CELF4: variants seen among roughly 807,000 people sequenced by gnomAD.
The protein encoded by CELF4 is CUGBP Elav-like family member 4.
Under a neutral mutation model 59.9 loss-of-function variants are expected in CELF4, and 18 were observed. The observed-to-expected ratio is 0.30, with a 90% confidence interval of 0.21 to 0.45. The LOEUF (loss-of-function observed/expected upper bound fraction) is 0.45, where lower values mean the gene tolerates loss of function less well. Ranked by LOEUF, CELF4 falls within the 20% of genes least tolerant of loss-of-function variation. CELF4 has a pLI of 1.00. For synonymous variants in CELF4, 261 were observed against 267.1 expected, an observed-to-expected ratio of 0.98 and a Z score of 0.22; for missense variants, 456 against 689.0, an observed-to-expected ratio of 0.66 and a Z score of 3.79.
chr18:37,344,072 G>A (rs943638995), intron 2 of CELF4, among the ~76,000 whole-genome samples: 3 of 152,148 alleles, frequency 2.0e-5, no homozygotes, highest in Non-Finnish European at 2.9e-5. Context: ...CTCCTTTTCT[G>A]ATCACCCATT....
At chr18:37,558,329 C>A (rs2099985452) in intron 1 of CELF4, among the ~76,000 whole-genome samples, 1 of 150,570 alleles carries the variant, frequency 6.6e-6, no homozygotes, top group Non-Finnish European at 1.5e-5. Context: ...GCTCTTAGGG[C>A]AAATACATCA....
In CELF4 at chr18:37,540,147, C is replaced by T. The variant is rs143367896; in HGVS notation, c.286+25209G>A. Among the ~76,000 whole-genome samples the T allele has an allele frequency of 6.1e-4, 93 of 152,278 alleles. 1 individual carries two copies. The highest frequency in any genetic ancestry group is 3.4e-3 in the Middle Eastern group (1 of 294). ...AAGGTGACAAGGAAGGAGGGCTTGG[C>T]TCTGGAGTGCCTGTGAGAGAAGTTT... On this transcript the variant is annotated intron_variant, in intron 1 of 12. Transcript: ENST00000420428.
chr18:37,510,033 T>C (rs1469678787), intron 1 of CELF4, among the ~76,000 whole-genome samples: 2 of 152,204 alleles, frequency 1.3e-5, no homozygotes, highest in Non-Finnish European at 2.9e-5. Context: ...AACTGCCTAA[T>C]GCACACGAAG....
At chr18:37,279,300 G>A (rs1242800066) in intron 3 of CELF4, among the ~76,000 whole-genome samples, 1 of 152,212 alleles carries the variant, frequency 6.6e-6, no homozygotes, top group Non-Finnish European at 1.5e-5. Flanking sequence ...GGGATGGGCT[G>A]AAGAGTGAGT....
chr18:37,474,328 T>C (rs555071775), intron 2 of CELF4, among the ~76,000 whole-genome samples: 2 of 152,340 alleles, frequency 1.3e-5, no homozygotes, highest in East Asian at 3.9e-4. Context: ...ACTTCTCCAA[T>C]GCAGAGGTAG....
chr18:37,547,242 A>G (rs2099981746), intron 1 of CELF4, among the ~76,000 whole-genome samples: 1 of 151,052 alleles, frequency 6.6e-6, no homozygotes, highest in African/African-American at 2.4e-5. Context: ...ATGTGTTCCC[A>G]TGAGCCAACA....
intron 2 of CELF4, among the ~76,000 whole-genome samples, chr18:37,368,739 A>T (rs887995214): frequency 6.6e-6 from 1 of 152,160 alleles, no homozygotes; most frequent in Non-Finnish European, 1.5e-5. Flanking sequence ...CTTCCACACG[A>T]GTGAATGAGC....
chr18:37,287,735 T>G (rs16968679), intron 3 of CELF4, among the ~76,000 whole-genome samples: 5,463 of 152,280 alleles, frequency 0.036, 322 homozygotes, highest in African/African-American at 0.12. Flanking sequence ...ACACGGTGTA[T>G]TAACTCATGA....
intron 2 of CELF4, among the ~76,000 whole-genome samples, chr18:37,466,223 A>G (rs2099808292): frequency 6.6e-6 from 1 of 152,266 alleles, no homozygotes; most frequent in African/African-American, 2.4e-5. Context: ...GAATGTCTGC[A>G]GGCCACAGAG....
chr18:37,443,202 C>T (rs1270660439), intron 2 of CELF4, among the ~76,000 whole-genome samples: 1 of 152,160 alleles, frequency 6.6e-6, no homozygotes, highest in Non-Finnish European at 1.5e-5. Context: ...CCTAGCCTGT[C>T]TCTGTCCCTC....
chr18:37,503,532 A>C (rs942782388), intron 1 of CELF4, among the ~76,000 whole-genome samples: 4 of 152,004 alleles, frequency 2.6e-5, no homozygotes. Flanking sequence ...GCCCAGGGAC[A>C]CTCCAAGCCA....
At chr18:37,411,982 T>C (rs1389437175) in intron 2 of CELF4, among the ~76,000 whole-genome samples, 2 of 152,242 alleles carry the variant, frequency 1.3e-5, no homozygotes, top group African/African-American at 2.4e-5. Flanking sequence ...ACCTCTTCCA[T>C]GGAGCAGATC....
intron 2 of CELF4, among the ~76,000 whole-genome samples, chr18:37,381,973 AG>A (rs2099045627): frequency 1.3e-5 from 2 of 152,312 alleles, no homozygotes; most frequent in South Asian, 4.1e-4. Context: ...TAGGCCTGGG[AG>A]GAGGAGCCTT....
intron 2 of CELF4, among the ~76,000 whole-genome samples, chr18:37,340,829 T>G (rs190057238): frequency 3.2e-3 from 485 of 152,328 alleles, no homozygotes; most frequent in Non-Finnish European, 5.7e-3. Flanking sequence ...TGGCAGCATC[T>G]CACAGGCAAC....
At chr18:37,431,513 G>T in intron 2 of CELF4, among the ~76,000 whole-genome samples, 1 of 151,656 alleles carries the variant, frequency 6.6e-6, no homozygotes. Context: ...GACTACAGGC[G>T]CCCGCCACCA....
Position 37,253,746 on chromosome 18 carries a change from G to GC in CELF4, c.*44+20dup. On this transcript the variant is annotated intron_variant, in intron 12 of 12. Transcript: ENST00000420428. This position sits in a 1 kb window ranked among gnomAD's most constrained non-coding sequence, Gnocchi z 4.5. ...GTTCCCTCCCAACCCCCGTCCCCGC[G>GC]CCCCGGCCGCCCCCGGTTACCTGTG... The GC allele has an allele frequency of 6.5e-7, 1 of 1,533,340 alleles. No homozygotes were observed. The highest frequency in any genetic ancestry group is 8.8e-7 in the Non-Finnish European group (1 of 1,134,336). 95.0% of individuals were successfully genotyped at this position (1,533,340 alleles called of 1,614,324 possible).
rs182002791 is a variant in CELF4, at chr18:37,521,979, G to A, written c.287-36372C>T. Among the ~76,000 whole-genome samples, 9 of 152,310 alleles carry A rather than the reference G, an allele frequency of 5.9e-5. No homozygotes were observed. In the East Asian group the frequency reaches 1.2e-3, roughly 20 times the overall value. On this transcript the variant is annotated intron_variant, in intron 1 of 12. Coordinates refer to ENST00000420428, the MANE Select transcript of CELF4 (RefSeq NM_020180.4). ...CCGTGCCGGGTTATAGCGGGTTACC[G>A]TCACTCAGCACCCGGTGAGTTTAAG...
rs1272747848 is a variant in CELF4 at position 37,284,446 on chromosome 18, T to G, written c.449-9203A>C. 4.0e-5 allele frequency among the ~76,000 whole-genome samples: 6 copies of G among 151,792 alleles called. No individual in the cohort carries two copies. The East Asian group carries it at 1.2e-3, about 30-fold the overall frequency. The stretch of plus-strand genomic sequence containing the variant: ...CAACCCTGGGCCCATTCTTCTCGCC[T>G]GCGCCTGGCCTCACAGTGCACCATG... On this transcript the variant is annotated intron_variant, in intron 3 of 12. Transcript: ENST00000420428.
chr18:37,390,396 G>T (rs191440495), intron 2 of CELF4, among the ~76,000 whole-genome samples: 1 of 152,168 alleles, frequency 6.6e-6, no homozygotes, highest in African/African-American at 2.4e-5. Flanking sequence ...GGATTTCCTA[G>T]TAGTTTTGTG....
Sources: gnomAD v4.1 joint callset for allele counts (sites outside exome capture counted in the v4.1 genomes callset) on GRCh38, gnomAD v4.1.1 for gene constraint, Gnocchi (gnomAD v3.1) non-coding constraint, MANE v1.5 for transcripts, NCBI Gene and HGNC (gene_info 2026-07-23, HGNC 2026-07-21) for gene names.